The following RIMS2 variants were observed in gnomAD, a reference collection of about 807,000 sequenced individuals.
RIMS2 encodes regulating synaptic membrane exocytosis 2.
A neutral mutation model predicts 174.4 loss-of-function variants in RIMS2; 59 were observed. The observed-to-expected ratio is 0.34, with a 90% CI of 0.27 to 0.42. The LOEUF is 0.42. Ranked by LOEUF, RIMS2 falls within the 10% of genes least tolerant of loss-of-function variation. The pLI, the probability that RIMS2 is intolerant of heterozygous loss-of-function variation, is 1.00. For synonymous variants in RIMS2, 606 were observed against 572.5 expected (o/e 1.06, Z -0.84); for missense variants, 1,620 against 1,666.3 (o/e 0.97, Z 0.48).
intron 2 of RIMS2, among the ~76,000 whole-genome samples, chr8:103,751,555 T>A (rs2097891666): frequency 6.6e-6 from 1 of 151,624 alleles, no homozygotes; most frequent in Non-Finnish European, 1.5e-5. Flanking sequence ...TAGTTTACAG[T>A]CCCACCAACA....
At chr8:104,144,092 C>T (rs1309317627) in intron 19 of RIMS2, among the ~76,000 whole-genome samples, 1 of 152,050 alleles carries the variant, frequency 6.6e-6, no homozygotes, top group Non-Finnish European at 1.5e-5. Flanking sequence ...ACTTGTGTTT[C>T]ACTTGCTTTG....
chr8:103,944,843 CAT>C (rs1400610652), intron 14 of RIMS2, among the ~76,000 whole-genome samples: 3 of 151,852 alleles, frequency 2.0e-5, no homozygotes, highest in South Asian at 2.1e-4. Flanking sequence ...TAAGTAAAAA[CAT>C]GTGCATACAC....
chr8:103,812,484 C>T (rs943559953), intron 3 of RIMS2, among the ~76,000 whole-genome samples: 9 of 152,012 alleles, frequency 5.9e-5, no homozygotes, highest in Non-Finnish European at 8.8e-5. Context: ...TGGGTTCAAG[C>T]GATTCTCCTG....
In RIMS2 at chr8:103,918,412, GTCTT is replaced by G. The variant is rs768793178; in HGVS notation, c.2037-23_2037-20del. 2.2e-3 allele frequency: 3,040 copies of G among 1,378,514 alleles called. 1 individual carries two copies. The highest frequency in any genetic ancestry group is 4.4e-3 in the African/African-American group (261 of 59,522). The allele number at this position is 1,378,514 out of a possible 1,614,324, so 85.4% of individuals were successfully genotyped here. A position where few individuals can be genotyped will look rare whatever the true frequency, so the allele number is the denominator to read the frequency against. ...TGCATTAATTGTTGAAACAGTTTCT[GTCTT>G]TCTTTTTTTTTTTAATCATTTCAGA... On this transcript the variant is annotated intron_variant, in intron 8 of 23. Transcript: ENST00000504942.
chr8:103,662,467 AG>A (rs1320826419), intron 1 of RIMS2, among the ~76,000 whole-genome samples: 2 of 152,180 alleles, frequency 1.3e-5, no homozygotes, highest in African/African-American at 4.8e-5. Flanking sequence ...AGTGGATAAA[AG>A]TGTTTTTACT....
intron 3 of RIMS2, among the ~76,000 whole-genome samples, chr8:103,841,729 T>G (rs1348061080): frequency 6.6e-6 from 1 of 152,178 alleles, no homozygotes; most frequent in Non-Finnish European, 1.5e-5. Context: ...CATTTGAGGA[T>G]TGCCATTAAG....
chr8:103,685,543 A>G (rs1590298950), intron 1 of RIMS2, among the ~76,000 whole-genome samples: 1 of 152,218 alleles, frequency 6.6e-6, no homozygotes, highest in Non-Finnish European at 1.5e-5. Context: ...TCCAAATGAT[A>G]TCACTAGTTT....
intron 1 of RIMS2, among the ~76,000 whole-genome samples, chr8:103,518,711 A>G (rs1050136653): frequency 6.6e-6 from 1 of 152,084 alleles, no homozygotes; most frequent in Non-Finnish European, 1.5e-5. Context: ...TTGAAATGAG[A>G]TAGTGATAGG....
chr8:103,973,048 T>C (rs1046461329), intron 15 of RIMS2, among the ~76,000 whole-genome samples: 2 of 152,222 alleles, frequency 1.3e-5, no homozygotes, highest in African/African-American at 2.4e-5. Context: ...TATTGGACAA[T>C]ACTGTTCTAA....
At chr8:103,772,432 G>T (rs1361446898) in intron 3 of RIMS2, among the ~76,000 whole-genome samples, 1 of 151,968 alleles carries the variant, frequency 6.6e-6, no homozygotes, top group Admixed American at 6.6e-5. Flanking sequence ...ACCAAAAAAT[G>T]AAGTACTTAG....
chr8:104,253,654 G>A (rs1368199650), downstream of RIMS2: 1 of 152,172 alleles, frequency 6.6e-6, no homozygotes, highest in African/African-American at 2.4e-5. Flanking sequence ...TAGAGGAAAA[G>A]TCACTGGTTA....
At chr8:104,074,882 C>A (rs949707152) in intron 19 of RIMS2, among the ~76,000 whole-genome samples, 1 of 151,752 alleles carries the variant, frequency 6.6e-6, no homozygotes, top group African/African-American at 2.4e-5. Flanking sequence ...CATAAATGGA[C>A]CTGACAACTA....
chr8:103,603,211 T>G (rs2094851944), intron 1 of RIMS2, among the ~76,000 whole-genome samples: 1 of 144,124 alleles, frequency 6.9e-6, no homozygotes, highest in Non-Finnish European at 1.5e-5. Flanking sequence ...TGTGATCTCA[T>G]TGTTCAATTC....
chr8:104,182,635 TA>T (rs2135998020), intron 19 of RIMS2, among the ~76,000 whole-genome samples: 1 of 151,900 alleles, frequency 6.6e-6, no homozygotes, highest in East Asian at 1.9e-4. Flanking sequence ...TGGAGTCATA[TA>T]GTATGTGGTG....
chr8:103,861,878 T>C (rs186063868), intron 3 of RIMS2, among the ~76,000 whole-genome samples: 2 of 152,312 alleles, frequency 1.3e-5, no homozygotes, highest in African/African-American at 4.8e-5. Context: ...ATTCTAGATA[T>C]TAGTCCTTTG....
intron 3 of RIMS2, among the ~76,000 whole-genome samples, chr8:103,837,502 T>C (rs2098906142): frequency 6.6e-6 from 1 of 152,220 alleles, no homozygotes; most frequent in East Asian, 1.9e-4. Context: ...TAGGTATATC[T>C]CCTAATGCTA....
intron 2 of RIMS2, among the ~76,000 whole-genome samples, chr8:103,757,154 T>C (rs1469716977): frequency 6.6e-6 from 1 of 152,184 alleles, no homozygotes; most frequent in Non-Finnish European, 1.5e-5. Flanking sequence ...AGGAATGCTC[T>C]TACCTTTGAT....
At chr8:103,739,873 G>A (rs2097738465) in intron 2 of RIMS2, among the ~76,000 whole-genome samples, 1 of 152,062 alleles carries the variant, frequency 6.6e-6, no homozygotes, top group Non-Finnish European at 1.5e-5. Flanking sequence ...GTGCTCACTG[G>A]CTAGTCTGTT....
intron 2 of RIMS2, among the ~76,000 whole-genome samples, chr8:103,741,282 A>G (rs563275922): frequency 7.9e-5 from 12 of 152,148 alleles, no homozygotes; most frequent in Admixed American, 1.3e-4. Context: ...TTCTATTTCT[A>G]TTTCCTTCGT....
Sources: gnomAD v4.1 joint callset for allele counts (sites outside exome capture counted in the v4.1 genomes callset) on GRCh38, gnomAD v4.1.1 for gene constraint, MANE v1.5 for transcripts, NCBI Gene and HGNC (gene_info 2026-07-23, HGNC 2026-07-21) for gene names.